CSGALNACT1: variants seen among roughly 807,000 people sequenced by gnomAD.
CSGALNACT1 encodes chondroitin sulfate N-acetylgalactosaminyltransferase 1.
A neutral mutation model predicts 51.0 loss-of-function variants in CSGALNACT1; 52 were observed. That is an observed-to-expected ratio of 1.02 (90% CI 0.82 to 1.29). The LOEUF (loss-of-function observed/expected upper bound fraction) is 1.29. Ranked by LOEUF, CSGALNACT1 falls within the 50% of genes most tolerant of loss-of-function variation. The pLI is 0.00. For missense variants in CSGALNACT1, 935 were observed against 679.2 expected (o/e 1.38, Z -4.19); for synonymous variants, 341 against 254.4 (o/e 1.34, Z -3.24).
At chr8:19,597,271 C>T (rs950345599) in intron 2 of CSGALNACT1, among the ~76,000 whole-genome samples, 1 of 142,084 alleles carries the variant, frequency 7.0e-6, no homozygotes. Context: ...GTTGGGGCTG[C>T]CTCTATCTTC....
chr8:19,571,834 G>A (rs889373487), intron 3 of CSGALNACT1, among the ~76,000 whole-genome samples: 1 of 152,188 alleles, frequency 6.6e-6, no homozygotes, highest in Admixed American at 6.5e-5. Context: ...AGGGCTGCCT[G>A]GAAAGCTAAT....
intron 8 of CSGALNACT1, among the ~76,000 whole-genome samples, chr8:19,410,033 T>G (rs1416492459): frequency 6.6e-6 from 1 of 152,228 alleles, no homozygotes; most frequent in African/African-American, 2.4e-5. Flanking sequence ...TCTTAAATGT[T>G]CTTTAACTCT....
chr8:19,653,679 A>G (rs2058022789), intron 1 of CSGALNACT1, among the ~76,000 whole-genome samples: 1 of 152,124 alleles, frequency 6.6e-6, no homozygotes, highest in Non-Finnish European at 1.5e-5. Flanking sequence ...CTGTAGTCCC[A>G]GCTACTTGTG....
In CSGALNACT1 at chr8:19,545,098, C is replaced by A. The variant is rs183025991; in HGVS notation, c.-296-38968G>T. Among the ~76,000 whole-genome samples, 308 of 152,200 alleles carry A rather than the reference C, an allele frequency of 2.0e-3. 2 individuals are homozygous for A. In the South Asian group the frequency reaches 0.024, roughly 12 times the overall value. ...GTTGTTCTGAAGCACAGTGAAGTCA[C>A]TCCATGTCACCCTGGAAGCTAGAAA... On this transcript the variant is annotated intron_variant, in intron 3 of 9. Coordinates refer to ENST00000454498, the Ensembl canonical transcript of CSGALNACT1.
chr8:19,710,636 T>C (rs2062448524), intron 1 of CSGALNACT1, among the ~76,000 whole-genome samples: 1 of 152,156 alleles, frequency 6.6e-6, no homozygotes, highest in Non-Finnish European at 1.5e-5. Flanking sequence ...TCTCTGTACT[T>C]TTCTGGATGG....
At chr8:19,625,395 A>G (rs751819868) in intron 1 of CSGALNACT1, among the ~76,000 whole-genome samples, 1 of 152,264 alleles carries the variant, frequency 6.6e-6, no homozygotes, top group Non-Finnish European at 1.5e-5. Context: ...ATACATGAAG[A>G]AACTGAAGCA....
intron 1 of CSGALNACT1, among the ~76,000 whole-genome samples, chr8:19,674,161 C>T (rs1480950953): frequency 7.2e-5 from 11 of 152,202 alleles, no homozygotes; most frequent in South Asian, 6.2e-4. Flanking sequence ...GGTGTGGTGG[C>T]GGACAACTGT....
At chr8:19,537,039 G>A (rs1226229213) in intron 3 of CSGALNACT1, among the ~76,000 whole-genome samples, 1 of 152,164 alleles carries the variant, frequency 6.6e-6, no homozygotes, top group African/African-American at 2.4e-5. Context: ...GGATCCCAGA[G>A]AAACCTTAAA....
At chr8:19,591,147 G>A (rs530456366) in intron 3 of CSGALNACT1, 3 of 152,282 alleles carry the variant, frequency 2.0e-5, no homozygotes, top group Non-Finnish European at 4.4e-5. Context: ...AAGAGATCAG[G>A]ACCTGGACCC....
chr8:19,409,798 T>G (rs961660147), intron 8 of CSGALNACT1, among the ~76,000 whole-genome samples: 2 of 152,068 alleles, frequency 1.3e-5, no homozygotes, highest in Non-Finnish European at 2.9e-5. Context: ...AGCATCAGAG[T>G]CTTGGCCCAA....
At chr8:19,452,651 G>C (rs1357082769) in intron 5 of CSGALNACT1, among the ~76,000 whole-genome samples, 1 of 152,158 alleles carries the variant, frequency 6.6e-6, no homozygotes. Context: ...AGATGAGCAA[G>C]TGAGCAAGTG....
Position 19,449,948 on chromosome 8 carries a change from C to T in CSGALNACT1, c.851+8478G>A, listed in dbSNP as rs952834955. Among the ~76,000 whole-genome samples the T allele has an allele frequency of 2.0e-5, 3 of 150,602 alleles. No homozygotes were observed. The South Asian group carries it at 6.4e-4, about 32-fold the overall frequency. ...GTTCTTCCTGCTATCACAAACAAAA[C>T]AGACAATGAAGTAACCGGCTGGCTT... On this transcript the variant is annotated intron_variant, in intron 5 of 9. Coordinates refer to ENST00000454498, the Ensembl canonical transcript of CSGALNACT1.
chr8:19,454,604 G>A (rs888600372), intron 5 of CSGALNACT1, among the ~76,000 whole-genome samples: 3 of 152,192 alleles, frequency 2.0e-5, no homozygotes, highest in African/African-American at 7.2e-5. Context: ...CTGGGAGATG[G>A]AGGCTGTGGT....
intron 3 of CSGALNACT1, among the ~76,000 whole-genome samples, chr8:19,576,584 C>A (rs1588582266): frequency 6.6e-6 from 1 of 151,876 alleles, no homozygotes; most frequent in African/African-American, 2.4e-5. Context: ...GATGGAGACC[C>A]CCAACGAGTC....
chr8:19,545,039 A>T (rs2086145665), intron 3 of CSGALNACT1, among the ~76,000 whole-genome samples: 1 of 152,102 alleles, frequency 6.6e-6, no homozygotes, highest in Admixed American at 6.5e-5. Context: ...TCCAAAGACC[A>T]GGATAAATCA....
At chr8:19,541,695 C>T (rs1187964410) in intron 3 of CSGALNACT1, among the ~76,000 whole-genome samples, 1 of 151,384 alleles carries the variant, frequency 6.6e-6, no homozygotes, top group Non-Finnish European at 1.5e-5. Flanking sequence ...GCCACTGCAC[C>T]TGGCCTGGCT....
chr8:19,458,117 C>T (rs2064519174), intron 5 of CSGALNACT1, among the ~76,000 whole-genome samples: 1 of 152,174 alleles, frequency 6.6e-6, no homozygotes, highest in Non-Finnish European at 1.5e-5. Context: ...TTCCTGCTAT[C>T]CCCAAACCTG....
intron 9 of CSGALNACT1, among the ~76,000 whole-genome samples, chr8:19,406,923 G>A (rs1045246991): frequency 3.3e-5 from 5 of 152,274 alleles, no homozygotes; most frequent in Middle Eastern, 3.4e-3. Context: ...TGGCCAGACT[G>A]GTCTTGAACT....
chr8:19,753,011 C>T (rs1434820839), intron 1 of CSGALNACT1, among the ~76,000 whole-genome samples: 4 of 152,152 alleles, frequency 2.6e-5, no homozygotes, highest in Admixed American at 2.6e-4. Flanking sequence ...CAGCTTGGAG[C>T]TCTTGCCCAA....
Sources: gnomAD v4.1 joint callset for allele counts (sites outside exome capture counted in the v4.1 genomes callset) on GRCh38, gnomAD v4.1.1 for gene constraint, MANE v1.5 for transcripts, NCBI Gene and HGNC (gene_info 2026-07-23, HGNC 2026-07-21) for gene names.